Variants in GAL observed in about 807,000 individuals in gnomAD.
GAL encodes galanin peptides.
Under a neutral mutation model 15.8 loss-of-function variants are expected in GAL, and 14 were observed. That is an observed-to-expected ratio of 0.89 (90% CI 0.59 to 1.39). The LOEUF is 1.39. GAL is among the 40% of genes most tolerant of loss of function. The pLI is 0.00. For missense variants in GAL, 176 were observed against 170.4 expected (o/e 1.03, Z -0.18); for synonymous variants, 79 against 73.8 (o/e 1.07, Z -0.36).
rs746516038 is a variant in GAL at position 68,685,626 on chromosome 11, C to T, written c.114C>T (p.Ser38=). The T allele has an allele frequency of 5.0e-6, 8 of 1,613,234 alleles. No individual in the cohort carries two copies. Among genetic ancestry groups the T allele is most frequent in the Admixed American group, 3.3e-5 (2 of 59,988 alleles). The part of the protein sequence containing the change: ...AKEKRGWTLN[S]AGYLLGPHAV... ...AAAAACGAGGCTGGACCCTGAACAG[C>T]GCGGGCTACCTGCTGGGCCCACGTA... Residue 38 remains serine, a synonymous_variant, in exon 3 of 6, where the codon AGC becomes AGT. Coordinates refer to ENST00000265643, the MANE Select transcript of GAL (RefSeq NM_015973.5).
Position 68,688,884 on chromosome 11 carries a change from A to G in GAL, c.259A>G (p.Met87Val). 1.9e-6 allele frequency: 3 copies of G among 1,572,578 alleles called. No homozygotes were observed. The highest frequency in any genetic ancestry group is 2.6e-6 in the Non-Finnish European group (3 of 1,142,154). ...CAGGTCCATACCTGAAAACAATATC[A>G]TGCGCACAATCATTGAGTTTCTGTC... is the stretch of plus-strand genomic sequence containing the variant. ...FDRSIPENNI[M>V]RTIIEFLSFL... The change falls in exon 5 of 6, where the codon ATG (methionine) becomes GTG (valine). Residue 87 changes from methionine to valine, a missense_variant. Transcript: ENST00000265643.
chr11:68,686,978 C>T lies in GAL; in HGVS notation c.137-1036C>T, dbSNP rs577174624. Among the ~76,000 whole-genome samples, 7 of 152,256 alleles carry T rather than the reference C, an allele frequency of 4.6e-5. No homozygotes were observed. The South Asian group carries it at 6.2e-4, about 14-fold the overall frequency. On this transcript the variant is annotated intron_variant, in intron 3 of 5. Coordinates refer to ENST00000265643, the MANE Select transcript of GAL (RefSeq NM_015973.5). ...ACGGCCCTGTTCAGCTGTAGCTAGA[C>T]GAGTTGTTTGTCAAAATACTTAAAA...
At position 68,685,609 on chromosome 11, in the gene GAL, G is replaced by T; in HGVS notation, c.97G>T (p.Gly33Cys). Residue 33 changes from glycine (G) to cysteine (C), a missense_variant, in exon 3 of 6, where the codon GGC (glycine) becomes TGC (cysteine). By Grantham distance (159) the Gly-to-Cys change is radical. Coordinates refer to ENST00000265643, the MANE Select transcript of GAL (RefSeq NM_015973.5). Reference protein sequence around the residue: ...GLWSPAKEKRGWTLNSAGYLL... With the variant: ...GLWSPAKEKRCWTLNSAGYLL... ...TCCCTTCAAGGCCAAGGAAAAACGA[G>T]GCTGGACCCTGAACAGCGCGGGCTA... The T allele has an allele frequency of 1.2e-6, 2 of 1,613,680 alleles. No homozygotes were observed. Among genetic ancestry groups the T allele is most frequent in the Non-Finnish European group, 1.7e-6 (2 of 1,179,588 alleles).
At chr11:68,685,971 A>G (rs1201610357) in intron 3 of GAL, among the ~76,000 whole-genome samples, 2 of 150,526 alleles carry the variant, frequency 1.3e-5, no homozygotes, top group African/African-American at 4.9e-5. Flanking sequence ...AAAACACTCA[A>G]CTCCTCGGCT....
Position 68,688,083 on chromosome 11 carries a change from A to C in GAL, c.206A>C (p.Glu69Ala), listed in dbSNP as rs1451504072. The C allele has an allele frequency of 6.2e-7, 1 of 1,610,754 alleles. No individual in the cohort carries two copies. Among genetic ancestry groups the C allele is most frequent in the South Asian group, 1.1e-5 (1 of 91,014 alleles). ...GLTSKRELRP[E>A]DDMKPGSFDR... ...ACCAGCAAGCGGGAGCTGCGGCCCG[A>C]AGATGACATGAAACCAGGTGAGAGG... is the stretch of plus-strand genomic sequence containing the variant. Residue 69 changes from glutamate to alanine, a missense_variant, in exon 4 of 6, where the codon GAA (glutamate) becomes GCA (alanine). Glu to Ala is a moderately radical substitution (Grantham distance 107, BLOSUM62 -1). Coordinates refer to ENST00000265643, the MANE Select transcript of GAL (RefSeq NM_015973.5).
chr11:68,686,037 C>CAA (rs889951604), intron 3 of GAL, among the ~76,000 whole-genome samples: 1 of 152,182 alleles, frequency 6.6e-6, no homozygotes, highest in African/African-American at 2.4e-5. Context: ...TCCCTTTCTC[C>CAA]AAGCTCCACA....
chr11:68,686,827 C>G (rs1232532132), intron 3 of GAL, among the ~76,000 whole-genome samples: 1 of 152,138 alleles, frequency 6.6e-6, no homozygotes, highest in South Asian at 2.1e-4. Context: ...TGCTACGGGC[C>G]CAAAACAAAG....
chr11:68,688,739 G>A, intron 4 of GAL, 110 bp from the exon 5 acceptor site: 1 of 678,744 alleles, frequency 1.5e-6, no homozygotes, highest in Non-Finnish European at 2.7e-6. Flanking sequence ...AGGCTGCTGG[G>A]ATCAGATCAT....
At chr11:68,687,905 G>A (rs762609605) in intron 3 of GAL, 109 bp from the exon 4 acceptor site, 5 of 700,286 alleles carry the variant, frequency 7.1e-6, no homozygotes, top group Non-Finnish European at 1.0e-5. Flanking sequence ...TTTCACAGTC[G>A]AGTTGCGTGT....
chr11:68,689,591 T>C (rs937422596), intron 5 of GAL, among the ~76,000 whole-genome samples: 1 of 152,102 alleles, frequency 6.6e-6, no homozygotes, highest in African/African-American at 2.4e-5. Context: ...GAGGCTGGGG[T>C]TCATCATGTT....
Position 68,684,660 on chromosome 11 carries a change from C to T in GAL, c.-73C>T, listed in dbSNP as rs7101947. ...AGCCCACCCGACCCGGCCCGACGCC[C>T]GGACCTGCCGCCCAGACCCGCCACC... On this transcript the variant is annotated 5_prime_UTR_variant, in exon 1 of 6. Coordinates refer to ENST00000265643, the MANE Select transcript of GAL (RefSeq NM_015973.5). 0.68 allele frequency: 234,423 copies of T among 342,652 alleles called. 82,738 individuals carry two copies. The highest frequency in any genetic ancestry group is 0.8 in the East Asian group (17,715 of 22,270). 21.2% of individuals were successfully genotyped at this position (342,652 alleles called of 1,614,324 possible).
intron 3 of GAL, among the ~76,000 whole-genome samples, chr11:68,685,947 C>T (rs948514091): frequency 6.6e-6 from 1 of 152,186 alleles, no homozygotes; most frequent in African/African-American, 2.4e-5. Context: ...TCTCCCCAGG[C>T]CCCCGGGTCT....
chr11:68,684,679 C>G lies in GAL; in HGVS notation c.-54C>G. ...GACGCCCGGACCTGCCGCCCAGACC[C>G]GCCACCGCACCCGGACCCCGACGCT... On this transcript the variant is annotated 5_prime_UTR_variant, in exon 1 of 6. Transcript: ENST00000265643. 1 of 390,034 alleles carries G rather than the reference C, an allele frequency of 2.6e-6. No homozygotes were observed. The highest frequency in any genetic ancestry group is 4.5e-6 in the Non-Finnish European group (1 of 219,828). 24.2% of individuals were successfully genotyped at this position (390,034 alleles called of 1,614,324 possible).
chr11:68,687,179 C>T (rs1945861604), intron 3 of GAL, among the ~76,000 whole-genome samples: 1 of 152,144 alleles, frequency 6.6e-6, no homozygotes. Flanking sequence ...CGCGTTAATT[C>T]TCCTTTGTCT....
intron 5 of GAL, 81 bp downstream of exon 5, chr11:68,689,007 GA>G: frequency 1.4e-6 from 1 of 739,292 alleles, no homozygotes; most frequent in Non-Finnish European, 2.4e-6. Context: ...AGAACCCATA[GA>G]ATCCCCCTGG....
chr11:68,691,103 G>T lies in GAL; in HGVS notation c.*116G>T. On this transcript the variant is annotated 3_prime_UTR_variant, in exon 6 of 6. Coordinates refer to ENST00000265643, the MANE Select transcript of GAL (RefSeq NM_015973.5). ...CCATTCCTGTTCTCTTTGCCTTGAT[G>T]TTGTGTTGTTATCATTTAAGATTTT... 1 of 679,832 alleles carries T rather than the reference G, an allele frequency of 1.5e-6. No homozygotes were observed. Among genetic ancestry groups the T allele is most frequent in the South Asian group, 1.7e-5 (1 of 60,048 alleles). The allele number at this position is 679,832 out of a possible 1,614,324, so 42.1% of individuals were successfully genotyped here. A position where few individuals can be genotyped will look rare whatever the true frequency, so the allele number is the denominator to read the frequency against.
chr11:68,688,872 G>A lies in GAL; in HGVS notation c.247G>A (p.Glu83Lys). ...AGGAAGCTTTGACAGGTCCATACCT[G>A]AAAACAATATCATGCGCACAATCAT... is the stretch of plus-strand genomic sequence containing the variant. The part of the protein sequence containing the change: ...KPGSFDRSIP[E>K]NNIMRTIIEF... Residue 83 changes from glutamate to lysine, a missense_variant, in exon 5 of 6, where the codon GAA (glutamate) becomes AAA (lysine). Coordinates refer to ENST00000265643, the MANE Select transcript of GAL (RefSeq NM_015973.5). 5 of 1,571,888 alleles carry A rather than the reference G, an allele frequency of 3.2e-6. No individual in the cohort carries two copies. The highest frequency in any genetic ancestry group is 3.5e-6 in the Non-Finnish European group (4 of 1,141,566).
chr11:68,686,698 T>C (rs2513279), intron 3 of GAL, among the ~76,000 whole-genome samples: 123,090 of 152,100 alleles, frequency 0.81, 50,055 homozygotes, highest in South Asian at 0.9. Flanking sequence ...CTGGTCTCTG[T>C]GCGGCCCTCT....
intron 2 of GAL, among the ~76,000 whole-genome samples, 178 bp downstream of exon 2, chr11:68,685,182 C>T (rs956111001): frequency 8.5e-5 from 13 of 152,214 alleles, no homozygotes; most frequent in African/African-American, 3.1e-4. Context: ...CCTGGGATTC[C>T]CCCCGCGCGC....
Sources: gnomAD v4.1 joint callset for allele counts (sites outside exome capture counted in the v4.1 genomes callset) on GRCh38, gnomAD v4.1.1 for gene constraint, MANE v1.5 for transcripts, NCBI Gene and HGNC (gene_info 2026-07-23, HGNC 2026-07-21) for gene names.